Variants in KHDRBS2 observed in about 807,000 individuals in gnomAD.
The protein encoded by KHDRBS2 is KH RNA binding domain containing, signal transduction associated 2.
A neutral mutation model predicts 44.3 loss-of-function variants in KHDRBS2; 26 were observed. The ratio of observed to expected loss-of-function variants is 0.59; its 90% confidence interval spans 0.43 to 0.81. The LOEUF (loss-of-function observed/expected upper bound fraction) is 0.81, where lower values mean the gene tolerates loss of function less well. KHDRBS2 is among the 40% of genes least tolerant of loss of function. The probability of loss-of-function intolerance (pLI) is 0.00; values close to 1 mark genes in which losing one functional copy is unlikely to be tolerated. For synonymous variants in KHDRBS2, 194 were observed against 151.1 expected, an observed-to-expected ratio of 1.28 and a Z score of -2.08; for missense variants, 476 against 433.1, an observed-to-expected ratio of 1.10 and a Z score of -0.88.
At chr6:62,158,033 T>C (rs1425305371) in intron 2 of KHDRBS2, among the ~76,000 whole-genome samples, 1 of 152,210 alleles carries the variant, frequency 6.6e-6, no homozygotes, top group Non-Finnish European at 1.5e-5. Context: ...AAGTGATTGA[T>C]ACATAGTAAG....
At chr6:62,099,233 T>C (rs1315584096) in intron 2 of KHDRBS2, among the ~76,000 whole-genome samples, 2 of 152,156 alleles carry the variant, frequency 1.3e-5, no homozygotes, top group Non-Finnish European at 2.9e-5. Context: ...CATTCAAGGA[T>C]TTGGTATTTA....
intron 3 of KHDRBS2, among the ~76,000 whole-genome samples, chr6:62,020,537 A>T (rs1322338060): frequency 1.3e-5 from 2 of 151,970 alleles, no homozygotes; most frequent in African/African-American, 2.4e-5. Context: ...TTACTGATGG[A>T]GGGCATTTCT....
chr6:61,865,375 G>A (rs1797623676), intron 6 of KHDRBS2, among the ~76,000 whole-genome samples: 1 of 152,172 alleles, frequency 6.6e-6, no homozygotes, highest in African/African-American at 2.4e-5. Context: ...CACAATCATG[G>A]TGGAAGGCAA....
At chr6:61,916,815 A>G (rs781665766) in intron 4 of KHDRBS2, among the ~76,000 whole-genome samples, 51 of 152,032 alleles carry the variant, frequency 3.4e-4, no homozygotes, top group Non-Finnish European at 7.4e-4. Context: ...CAGGCAAGTA[A>G]GTGTATGAAA....
At chr6:62,014,933 A>C (rs1218504648) in intron 3 of KHDRBS2, among the ~76,000 whole-genome samples, 1 of 152,150 alleles carries the variant, frequency 6.6e-6, no homozygotes, top group African/African-American at 2.4e-5. Context: ...TATATCTGCA[A>C]ATATATTTTC....
intron 2 of KHDRBS2, among the ~76,000 whole-genome samples, chr6:62,153,620 A>G (rs1347723021): frequency 1.3e-5 from 2 of 152,146 alleles, no homozygotes; most frequent in Non-Finnish European, 2.9e-5. Flanking sequence ...AAGCATGGGG[A>G]GAAAAATGGC....
intron 4 of KHDRBS2, among the ~76,000 whole-genome samples, chr6:61,948,547 T>G (rs1353792464): frequency 6.6e-6 from 1 of 151,916 alleles, no homozygotes; most frequent in Non-Finnish European, 1.5e-5. Context: ...CTAAATTCTC[T>G]GTCACCCAAT....
chr6:61,701,463 AT>A (rs1361532328), intron 7 of KHDRBS2, among the ~76,000 whole-genome samples: 1 of 151,968 alleles, frequency 6.6e-6, no homozygotes, highest in Admixed American at 6.6e-5. Flanking sequence ...CTTTGCTACC[AT>A]ATATGACCCC....
At position 61,715,456 on chromosome 6, in the gene KHDRBS2, T is replaced by A. The variant is rs181760083; in HGVS notation, c.893+17226A>T. On this transcript the variant is annotated intron_variant, in intron 7 of 8. Transcript: ENST00000281156. ...TGCCCCAACACTTTCAAATATCTGA[T>A]CTGCCTGAAGAAAATGTAATTCTAT... Among the ~76,000 whole-genome samples the A allele has an allele frequency of 1.1e-4, 17 of 152,038 alleles. No individual in the cohort carries two copies. In the East Asian group the frequency reaches 2.9e-3, roughly 26 times the overall value.
chr6:61,830,943 G>A (rs1791697352), intron 6 of KHDRBS2, among the ~76,000 whole-genome samples: 1 of 152,078 alleles, frequency 6.6e-6, no homozygotes, highest in African/African-American at 2.4e-5. Flanking sequence ...GGGGAAAAAT[G>A]TTCCTAAATA....
intron 6 of KHDRBS2, among the ~76,000 whole-genome samples, chr6:61,837,221 G>C (rs1364773557): frequency 3.9e-5 from 6 of 151,928 alleles, no homozygotes; most frequent in Non-Finnish European, 8.8e-5. Context: ...TTAAGACAAA[G>C]CATTACTATT....
the KHDRBS2 span, among the ~76,000 whole-genome samples, chr6:61,595,120 A>C: frequency 6.6e-6 from 1 of 152,166 alleles, no homozygotes; most frequent in South Asian, 2.1e-4. Flanking sequence ...AATACTATAT[A>C]AAATTCTTAT....
intron 4 of KHDRBS2, among the ~76,000 whole-genome samples, chr6:61,975,818 A>G (rs770105966): frequency 1.3e-5 from 2 of 152,204 alleles, no homozygotes; most frequent in Non-Finnish European, 2.9e-5. Flanking sequence ...GTAAGACTGC[A>G]TGATAGAAGG....
At chr6:61,853,799 C>A (rs1795791850) in intron 6 of KHDRBS2, among the ~76,000 whole-genome samples, 2 of 152,146 alleles carry the variant, frequency 1.3e-5, no homozygotes. Context: ...TACATCAGCT[C>A]CTTCTATTTG....
At chr6:61,565,607 C>T in the KHDRBS2 span, among the ~76,000 whole-genome samples, 1,220 of 152,068 alleles carry the variant, frequency 8.0e-3, 15 homozygotes, top group African/African-American at 0.028. Context: ...AATCAATCCA[C>T]AATGAGATAT....
chr6:61,949,799 T>C (rs1016356604), intron 4 of KHDRBS2, among the ~76,000 whole-genome samples: 2 of 152,056 alleles, frequency 1.3e-5, no homozygotes, highest in African/African-American at 4.8e-5. Flanking sequence ...GAATAAATAT[T>C]TTATAGATCT....
intron 7 of KHDRBS2, among the ~76,000 whole-genome samples, chr6:61,699,701 G>T (rs1048957613): frequency 2.6e-5 from 4 of 151,892 alleles, no homozygotes; most frequent in African/African-American, 7.2e-5. Flanking sequence ...AAAAAGAAAA[G>T]AAAAGTCTAT....
chr6:61,951,759 G>A (rs1764797831), intron 4 of KHDRBS2, among the ~76,000 whole-genome samples: 1 of 152,042 alleles, frequency 6.6e-6, no homozygotes. Context: ...AGCCATTTAT[G>A]GCCATGGTTA....
At chr6:61,629,477 G>T in the KHDRBS2 span, among the ~76,000 whole-genome samples, 1 of 151,902 alleles carries the variant, frequency 6.6e-6, no homozygotes, top group Non-Finnish European at 1.5e-5. Flanking sequence ...CTTCAGTCTC[G>T]CTAGTCAAAA....
Sources: gnomAD v4.1 joint callset for allele counts (sites outside exome capture counted in the v4.1 genomes callset) on GRCh38, gnomAD v4.1.1 for gene constraint, MANE v1.5 for transcripts, NCBI Gene and HGNC (gene_info 2026-07-23, HGNC 2026-07-21) for gene names.